YOD1: variants seen among roughly 807,000 people sequenced by gnomAD.
The protein encoded by YOD1 is ubiquitin thioesterase OTU1.
YOD1 carries 17 observed loss-of-function variants against 23.7 expected under a neutral mutation model. The observed-to-expected ratio is 0.72, with a 90% confidence interval of 0.49 to 1.07. The LOEUF (loss-of-function observed/expected upper bound fraction) is 1.07. Ranked by LOEUF, YOD1 falls within the 50% of genes least tolerant of loss-of-function variation. The probability of loss-of-function intolerance (pLI) is 0.00; values close to 1 mark genes in which losing one functional copy is unlikely to be tolerated. For missense variants in YOD1, 413 were observed against 447.2 expected (o/e 0.92, Z 0.69); for synonymous variants, 191 against 169.6 (o/e 1.13, Z -0.98).
In YOD1 at chr1:207,048,783, C is replaced by A; in HGVS notation, c.*237G>T. On this transcript the variant is annotated 3_prime_UTR_variant, in exon 2 of 2. Transcript: ENST00000315927. ...CAGTAGGTGGCAAGGATCACCTATT[C>A]TGTCACTCCAGCAGAAAGAGGCATG... 2.1e-6 allele frequency: 1 copy of A among 477,578 alleles called. No individual in the cohort carries two copies. Among genetic ancestry groups the A allele is most frequent in the Non-Finnish European group, 3.7e-6 (1 of 267,434 alleles). 29.6% of individuals were successfully genotyped at this position (477,578 alleles called of 1,614,324 possible).
Position 207,050,951 on chromosome 1 carries a change from G to C in YOD1, c.80C>G (p.Ala27Gly), listed in dbSNP as rs1430227985. 1.3e-6 allele frequency: 2 copies of C among 1,570,358 alleles called. No homozygotes were observed. Among genetic ancestry groups the C allele is most frequent in the Middle Eastern group, 1.7e-4 (1 of 5,826 alleles). ...ACCCGCGGGGCCAGCTTTGGTCCCG[G>C]CAGCCTGTTGGGAGACGCCGCCGGG... ...GFPGGVSQQA[A>G]GTKAGPAGAW... The change falls in exon 1 of 2, where the codon GCC (alanine) becomes GGC (glycine). Residue 27 changes from alanine (A) to glycine (G), a missense_variant. By Grantham distance (60) the Ala-to-Gly change is moderately conservative (BLOSUM62 0). Transcript: ENST00000315927.
chr1:207,049,852 G>C (rs536099898), intron 1 of YOD1, 129 bp from the exon 2 acceptor site: 1 of 797,246 alleles, frequency 1.3e-6, no homozygotes, highest in South Asian at 2.0e-5. Flanking sequence ...GGAGAATACA[G>C]TTTTGCAAGT....
chr1:207,052,143 G>A (rs1272737469), upstream of YOD1: 2 of 1,594,664 alleles, frequency 1.3e-6, no homozygotes, highest in East Asian at 2.2e-5. Context: ...CGGGCCCGCT[G>A]GGGCAACTAT....
chr1:207,052,088 G>C (rs570322617), upstream of YOD1: 12 of 1,013,020 alleles, frequency 1.2e-5, no homozygotes, highest in East Asian at 2.6e-4. Context: ...CCGGGATTCA[G>C]ACAGCAAGTC....
chr1:207,049,088 A>C lies in YOD1; in HGVS notation c.979T>G (p.Leu327Val). ...TCCCTTGCTTCTGCTTGTCCAGTTA[A>C]TCCTTTCTGACATACCATGCATCTC... The part of the protein sequence containing the change: ...TLRCMVCQKG[L>V]TGQAEAREHA... The change falls in exon 2 of 2, where the codon TTA becomes GTA. Residue 327 changes from leucine to valine, a missense_variant. Physicochemically the swap from Leu to Val is conservative, Grantham distance 32. Coordinates refer to ENST00000315927, the MANE Select transcript of YOD1 (RefSeq NM_018566.4). 1 of 1,613,710 alleles carries C rather than the reference A, an allele frequency of 6.2e-7. No individual in the cohort carries two copies. Among genetic ancestry groups the C allele is most frequent in the Non-Finnish European group, 8.5e-7 (1 of 1,179,950 alleles).
chr1:207,046,989 ATGATGCATAAAGCTCAATT>A lies in YOD1; in HGVS notation c.*2012_*2030del. On this transcript the variant is annotated 3_prime_UTR_variant, in exon 2 of 2. Coordinates refer to ENST00000315927, the MANE Select transcript of YOD1 (RefSeq NM_018566.4). ...GAAAGGAAGGCAAGCTTTCTGAGTA[ATGATGCATAAAGCTCAATT>A]TGATAATTGTTATCTAGTGGTATAT... 6.6e-6 allele frequency: 1 copy of A among 152,342 alleles called. No individual in the cohort carries two copies. Among genetic ancestry groups the A allele is most frequent in the South Asian group, 2.1e-4 (1 of 4,832 alleles). The allele number at this position is 152,342 out of a possible 1,614,324, so 9.4% of individuals were successfully genotyped here.
chr1:207,052,310 A>G, upstream of YOD1: 1 of 1,257,090 alleles, frequency 8.0e-7, no homozygotes, highest in Non-Finnish European at 1.2e-6. Context: ...GACGACTGCA[A>G]CGGATGATAC....
rs1402651757 is a variant in YOD1, at chr1:207,048,812, G to A, written c.*208C>T. On this transcript the variant is annotated 3_prime_UTR_variant, in exon 2 of 2. Transcript: ENST00000315927. The stretch of plus-strand genomic sequence containing the variant: ...CACTCCAGCAGAAAGAGGCATGTAT[G>A]TACAGTTTACCACTGTAGACACACA... The A allele has an allele frequency of 1.1e-5, 6 of 564,418 alleles. No homozygotes were observed. Among genetic ancestry groups the A allele is most frequent in the Non-Finnish European group, 1.9e-5 (6 of 319,058 alleles). The allele number at this position is 564,418 out of a possible 1,614,324, so 35.0% of individuals were successfully genotyped here. A position where few individuals can be genotyped will look rare whatever the true frequency, so the allele number is the denominator to read the frequency against.
At position 207,049,515 on chromosome 1, in the gene YOD1, G is replaced by T; in HGVS notation, c.552C>A (p.Arg184=). ...CGCTTGCTACAATTTGTGCTATGAG[G>T]CGTCTCATCTCAGGGGCACAAGCTG... ...LNPACAPEMR[R]LIAQIVASDP... Residue 184 remains arginine (R), a synonymous_variant, in exon 2 of 2, where the codon CGC becomes CGA. Coordinates refer to ENST00000315927, the MANE Select transcript of YOD1 (RefSeq NM_018566.4). 3 of 1,614,122 alleles carry T rather than the reference G, an allele frequency of 1.9e-6. No homozygotes were observed. Among genetic ancestry groups the T allele is most frequent in the Non-Finnish European group, 2.5e-6 (3 of 1,180,032 alleles).
Position 207,049,218 on chromosome 1 carries a change from CA to C in YOD1, c.848del (p.Leu283ArgfsTer18). On this transcript the variant is annotated frameshift_variant, in exon 2 of 2. Transcript: ENST00000315927. LOFTEE classifies it high-confidence loss of function. ...TATCATCATTAGAGGAGAAAATGGT[CA>C]GAGGAGGTGTATCTGGATCAGGGAA... The part of the protein sequence containing the change: ...RNFPDPDTPP[L>X]TIFSSNDDIV... The C allele has an allele frequency of 6.2e-7, 1 of 1,614,036 alleles. No individual in the cohort carries two copies.
At chr1:207,049,872 G>T in intron 1 of YOD1, 149 bp from the exon 2 acceptor site, 1 of 705,022 alleles carries the variant, frequency 1.4e-6, no homozygotes, top group Non-Finnish European at 2.3e-6. Flanking sequence ...TAAGTTACCA[G>T]TAAGAATCTT....
In YOD1 at chr1:207,044,506, C is replaced by A. The variant is rs1682547549; in HGVS notation, c.*4514G>T. ...AATTCTGAGCCTAAGATGATCCTTT[C>A]TGTTTACCTACAACTTAATCAAATT... On this transcript the variant is annotated 3_prime_UTR_variant, in exon 2 of 2. Coordinates refer to ENST00000315927, the MANE Select transcript of YOD1 (RefSeq NM_018566.4). The A allele has an allele frequency of 6.6e-6, 1 of 152,504 alleles. No individual in the cohort carries two copies. The highest frequency in any genetic ancestry group is 2.4e-5 in the African/African-American group (1 of 41,444). 9.4% of individuals were successfully genotyped at this position (152,504 alleles called of 1,614,324 possible).
rs979745008 is a variant in YOD1, at chr1:207,049,098, A to G, written c.969T>C (p.Cys323=). 1.2e-6 allele frequency: 2 copies of G among 1,613,820 alleles called. No homozygotes were observed. Among genetic ancestry groups the G allele is most frequent in the Non-Finnish European group, 1.7e-6 (2 of 1,180,024 alleles). ...CTGCTTGTCCAGTTAATCCTTTCTG[A>G]CATACCATGCATCTCAGGGTGAAGC... The part of the protein sequence containing the change: ...VNRFTLRCMV[C]QKGLTGQAEA... The change falls in exon 2 of 2, where the codon TGT becomes TGC. Residue 323 remains cysteine, a synonymous_variant. Coordinates refer to ENST00000315927, the MANE Select transcript of YOD1 (RefSeq NM_018566.4).
At chr1:207,052,283 C>G (rs745552425), upstream of YOD1, 2 of 1,537,890 alleles carry the variant, frequency 1.3e-6, no homozygotes, top group Admixed American at 3.4e-5. Flanking sequence ...GTGCAATTTT[C>G]CTCCTTGGTT....
intron 1 of YOD1, 60 bp from the exon 2 acceptor site, chr1:207,049,783 T>G (rs1682691725): frequency 6.9e-7 from 1 of 1,456,200 alleles, no homozygotes; most frequent in East Asian, 2.3e-5. Context: ...CCGAGTGTTC[T>G]CTAGCCAAGT....
At position 207,049,618 on chromosome 1, in the gene YOD1, G is replaced by C; in HGVS notation, c.449C>G (p.Thr150Ser). The change falls in exon 2 of 2, where the codon ACC becomes AGC. Residue 150 changes from threonine to serine, a missense_variant. Thr to Ser is a moderately conservative substitution (Grantham distance 58). Coordinates refer to ENST00000315927, the MANE Select transcript of YOD1 (RefSeq NM_018566.4). ...GTTGTCTGCTGGGACCACGGTTCTGGTAAGCACAGGCAAAGTTTCCCTGAC... is the reference window on the plus strand; with the variant it reads ...GTTGTCTGCTGGGACCACGGTTCTGCTAAGCACAGGCAAAGTTTCCCTGAC... ...SYVRETLPVL[T>S]RTVVPADNSC... 1 of 1,614,186 alleles carries C rather than the reference G, an allele frequency of 6.2e-7. No homozygotes were observed. The highest frequency in any genetic ancestry group is 8.5e-7 in the Non-Finnish European group (1 of 1,180,034).
Position 207,051,102 on chromosome 1 carries a change from C to A in YOD1, c.-72G>T. The A allele has an allele frequency of 2.1e-6, 3 of 1,434,418 alleles. No homozygotes were observed. The highest frequency in any genetic ancestry group is 2.7e-6 in the Non-Finnish European group (3 of 1,098,594). The allele number at this position is 1,434,418 out of a possible 1,614,324, so 88.9% of individuals were successfully genotyped here. A position where few individuals can be genotyped will look rare whatever the true frequency, so the allele number is the denominator to read the frequency against. The stretch of plus-strand genomic sequence containing the variant: ...GCTTCTGCCTTAGTACCTTAGCAAG[C>A]GCGAACTCTTTTAAAGTGACAACTG... On this transcript the variant is annotated 5_prime_UTR_variant, in exon 1 of 2. Transcript: ENST00000315927.
At position 207,050,743 on chromosome 1, in the gene YOD1, C is replaced by G. The variant is rs900231254; in HGVS notation, c.288G>C (p.Glu96Asp). The G allele has an allele frequency of 6.2e-7, 1 of 1,613,378 alleles. No individual in the cohort carries two copies. Among genetic ancestry groups the G allele is most frequent in the Non-Finnish European group, 8.5e-7 (1 of 1,180,044 alleles). ...TATCCCCATTGCTGAGATCCAGGCA[C>G]TCGGGAGGGTATCCGACGAGGATTC... is the stretch of plus-strand genomic sequence containing the variant. ...GQRILVGYPP[E>D]CLDLSNGDTI... Residue 96 changes from glutamate to aspartate, a missense_variant, in exon 1 of 2, where the codon GAG (glutamate) becomes GAC (aspartate). Coordinates refer to ENST00000315927, the MANE Select transcript of YOD1 (RefSeq NM_018566.4).
Position 207,048,987 on chromosome 1 carries a change from G to A in YOD1, c.*33C>T. On this transcript the variant is annotated 3_prime_UTR_variant, in exon 2 of 2. Coordinates refer to ENST00000315927, the MANE Select transcript of YOD1 (RefSeq NM_018566.4). ...AACCCAGAGCCTTCTGGATGTGTGAGGTAGTAGGCTTCAACCCTCATTCAT... is the reference window on the plus strand; with the variant it reads ...AACCCAGAGCCTTCTGGATGTGTGAAGTAGTAGGCTTCAACCCTCATTCAT... The A allele has an allele frequency of 6.3e-7, 1 of 1,580,122 alleles. No individual in the cohort carries two copies. The highest frequency in any genetic ancestry group is 8.6e-7 in the Non-Finnish European group (1 of 1,157,772).
Sources: gnomAD v4.1 joint callset for allele counts on GRCh38, gnomAD v4.1.1 for gene constraint, MANE v1.5 for transcripts, NCBI Gene and HGNC (gene_info 2026-07-23, HGNC 2026-07-21) for gene names.